Variants in UBE2O observed in about 807,000 individuals in gnomAD.
The protein encoded by UBE2O is (E3-independent) E2 ubiquitin-conjugating enzyme.
Under a neutral mutation model 125.8 loss-of-function variants are expected in UBE2O, and 15 were observed. The ratio of observed to expected loss-of-function variants is 0.12; its 90% CI spans 0.08 to 0.18. The LOEUF (loss-of-function observed/expected upper bound fraction) is 0.18, where lower values mean the gene tolerates loss of function less well. UBE2O is among the 10% of genes least tolerant of loss of function. The pLI, the probability that UBE2O is intolerant of heterozygous loss-of-function variation, is 1.00. For missense variants in UBE2O, 1,280 were observed against 1,723.6 expected (o/e 0.74, Z 4.56); for synonymous variants, 708 against 703.2 (o/e 1.01, Z -0.11).
intron 1 of UBE2O, among the ~76,000 whole-genome samples, chr17:76,440,572 C>T (rs2073063321): frequency 6.6e-6 from 1 of 152,208 alleles, no homozygotes; most frequent in South Asian, 2.1e-4. Flanking sequence ...AAGTGATCCG[C>T]CTGGCTTGGC....
At position 76,436,477 on chromosome 17, in the gene UBE2O, C is replaced by G. The variant is rs557743742; in HGVS notation, c.417+16248G>C. ...TAAGAGGATGACTCCAGCAATTTTT[C>G]TTCGGTGCTGGATTGTCAGAGACTG... On this transcript the variant is annotated intron_variant, in intron 1 of 17. Coordinates refer to ENST00000319380, the MANE Select transcript of UBE2O (RefSeq NM_022066.4). 2.0e-5 allele frequency among the ~76,000 whole-genome samples: 3 copies of G among 152,194 alleles called. No individual in the cohort carries two copies. The South Asian group carries it at 6.2e-4, about 32-fold the overall frequency.
intron 1 of UBE2O, among the ~76,000 whole-genome samples, chr17:76,418,038 G>A (rs538133296): frequency 6.6e-6 from 1 of 152,302 alleles, no homozygotes; most frequent in African/African-American, 2.4e-5. Context: ...TCAGGAGGAA[G>A]GCGCAGGGGG....
At position 76,410,770 on chromosome 17, in the gene UBE2O, C is replaced by T. The variant is rs1296673129; in HGVS notation, c.418-5198G>A. ...GGCCTCTCCTGCCAGGAGCACTCTCCCTCCACGGCTGCCTGACTCCCAAGG... is the reference window on the plus strand; with the variant it reads ...GGCCTCTCCTGCCAGGAGCACTCTCTCTCCACGGCTGCCTGACTCCCAAGG... On this transcript the variant is annotated intron_variant, in intron 1 of 17. Coordinates refer to ENST00000319380, the MANE Select transcript of UBE2O (RefSeq NM_022066.4). This position sits in a 1 kb window ranked among gnomAD's most constrained non-coding sequence, Gnocchi z 4.0. Among the ~76,000 whole-genome samples the T allele has an allele frequency of 0.026, 1 of 38 alleles. No individual in the cohort carries two copies. Among genetic ancestry groups the T allele is most frequent in the Non-Finnish European group, 0.056 (1 of 18 alleles). The allele number at this position is 38 out of a possible 152,430, so 0.0% of individuals were successfully genotyped here.
At chr17:76,411,486 AG>A (rs1374466658) in intron 1 of UBE2O, among the ~76,000 whole-genome samples, 14 of 152,284 alleles carry the variant, frequency 9.2e-5, no homozygotes, top group African/African-American at 3.4e-4. Flanking sequence ...GGGAGCTGGA[AG>A]AAGTCCAAAA....
At chr17:76,444,941 C>T (rs140727778) in intron 1 of UBE2O, among the ~76,000 whole-genome samples, 65 of 152,282 alleles carry the variant, frequency 4.3e-4, no homozygotes, top group African/African-American at 1.5e-3. Context: ...CCTGCACTAG[C>T]GGTGACCACA....
chr17:76,407,455 A>T (rs2072444484), intron 1 of UBE2O, among the ~76,000 whole-genome samples: 1 of 152,214 alleles, frequency 6.6e-6, no homozygotes, highest in Admixed American at 6.5e-5. Flanking sequence ...TCAAAAAGCC[A>T]CAATTGCTCC....
intron 1 of UBE2O, among the ~76,000 whole-genome samples, chr17:76,451,892 T>G (rs966820211): frequency 6.6e-6 from 1 of 152,126 alleles, no homozygotes; most frequent in African/African-American, 2.4e-5. Flanking sequence ...CAAGCCTCTT[T>G]GTTTTGTAAA....
At chr17:76,440,645 G>C (rs2073064382) in intron 1 of UBE2O, among the ~76,000 whole-genome samples, 1 of 152,122 alleles carries the variant, frequency 6.6e-6, no homozygotes, top group Non-Finnish European at 1.5e-5. Context: ...ACTTTTTTCA[G>C]CTGTGGCTCA....
intron 1 of UBE2O, among the ~76,000 whole-genome samples, chr17:76,416,069 GTA>G (rs575285728): frequency 7.6e-4 from 115 of 151,350 alleles, no homozygotes; most frequent in Middle Eastern, 6.8e-3. Flanking sequence ...ACGTATATAC[GTA>G]TGTGTATACA....
intron 15 of UBE2O, 75 bp from the exon 16 acceptor site, chr17:76,392,188 C>T: frequency 1.1e-6 from 1 of 904,852 alleles, no homozygotes; most frequent in Non-Finnish European, 1.6e-6. Flanking sequence ...GCATCTGCAT[C>T]TGCACCTGCT....
chr17:76,426,422 T>C (rs999354704), intron 1 of UBE2O, among the ~76,000 whole-genome samples: 2 of 152,232 alleles, frequency 1.3e-5, no homozygotes, highest in African/African-American at 4.8e-5. Context: ...GCACATATAA[T>C]TGTTTACTTT....
intron 15 of UBE2O, among the ~76,000 whole-genome samples, chr17:76,392,546 T>C (rs533640058): frequency 1.2e-4 from 18 of 151,818 alleles, no homozygotes; most frequent in African/African-American, 4.3e-4. Flanking sequence ...TTTACAGCCC[T>C]GAGCCGTCAC....
At chr17:76,440,227 C>T (rs1313896089) in intron 1 of UBE2O, among the ~76,000 whole-genome samples, 1 of 152,196 alleles carries the variant, frequency 6.6e-6, no homozygotes, top group Non-Finnish European at 1.5e-5. Flanking sequence ...AAAAAGAACG[C>T]ACAGTCTCTC....
intron 1 of UBE2O, among the ~76,000 whole-genome samples, chr17:76,409,889 G>A (rs918636880): frequency 1.3e-5 from 2 of 152,184 alleles, no homozygotes; most frequent in Non-Finnish European, 2.9e-5. Context: ...CAGAGAAGGT[G>A]GTACCAAGTG....
rs375245770 is a variant in UBE2O, at chr17:76,401,154, C to T, written c.751G>A (p.Gly251Ser). ...YDVCPHVSDSGLFFDDSYGFY... is the reference protein window; with the variant it reads ...YDVCPHVSDSSLFFDDSYGFY... Reference sequence around the variant, plus strand: ...CCATAGGAATCATCGAAGAAGAGACCCTGCGGGATGTGGGGCCAAAGGAAA... The same window carrying T: ...CCATAGGAATCATCGAAGAAGAGACTCTGCGGGATGTGGGGCCAAAGGAAA... The change falls in exon 6 of 18, where the codon GGT becomes AGT. Residue 251 changes from glycine to serine, a missense_variant and splice_region_variant. Around this residue, in one of 10 missense-constraint regions of UBE2O, gnomAD observed 206 missense variants for 315.7 expected, o/e 0.65. Coordinates refer to ENST00000319380, the MANE Select transcript of UBE2O (RefSeq NM_022066.4). 1 of 1,613,200 alleles carries T rather than the reference C, an allele frequency of 6.2e-7. No homozygotes were observed.
intron 1 of UBE2O, among the ~76,000 whole-genome samples, chr17:76,409,031 C>T (rs893387947): frequency 2.0e-5 from 3 of 151,854 alleles, no homozygotes. Context: ...TGCAGTGGCG[C>T]GATCTCGGCT....
chr17:76,391,464 G>T lies in UBE2O; in HGVS notation c.3358C>A (p.Pro1120Thr). 1 of 1,613,774 alleles carries T rather than the reference G, an allele frequency of 6.2e-7. No individual in the cohort carries two copies. Among genetic ancestry groups the T allele is most frequent in the Non-Finnish European group, 8.5e-7 (1 of 1,180,012 alleles). ...CTGATCTCCTGCTCAAAGACCTCGG[G>T]GGGCCGCCGCACCAGCTGGGTCATG... ...QSMTQLVRRP[P>T]EVFEQEIRQH... is the part of the protein sequence containing the mutation. The change falls in exon 18 of 18, where the codon CCC becomes ACC. Residue 1120 changes from proline to threonine, a missense_variant. Physicochemically the swap from Pro to Thr is conservative, Grantham distance 38 (BLOSUM62 -1). Transcript: ENST00000319380. This position sits in a 1 kb window ranked among gnomAD's most constrained non-coding sequence, Gnocchi z 8.4.
chr17:76,444,230 G>GCAAAA (rs375071440), intron 1 of UBE2O, among the ~76,000 whole-genome samples: 2,710 of 151,352 alleles, frequency 0.018, 84 homozygotes, highest in African/African-American at 0.061. Context: ...CACAAACAAA[G>GCAAAA]CAAAACAAAA....
At chr17:76,428,983 C>CCT (rs1254142087) in intron 1 of UBE2O, among the ~76,000 whole-genome samples, 5 of 150,662 alleles carry the variant, frequency 3.3e-5, no homozygotes, top group African/African-American at 7.3e-5. Flanking sequence ...TTCACTGCAA[C>CCT]CTCTGCCTCC....
Sources: gnomAD v4.1 joint callset for allele counts (sites outside exome capture counted in the v4.1 genomes callset) on GRCh38, gnomAD v4.1.1 for gene constraint, gnomAD v4.1.1 regional missense constraint, Gnocchi (gnomAD v3.1) non-coding constraint, MANE v1.5 for transcripts, NCBI Gene and HGNC (gene_info 2026-07-23, HGNC 2026-07-21) for gene names.